The following NEO1 variants were observed in gnomAD, a reference collection of about 807,000 sequenced individuals.
NEO1 encodes the protein neogenin.
NEO1 carries 63 observed loss-of-function variants against 159.7 expected under a neutral mutation model. The observed-to-expected ratio is 0.39, with a 90% CI of 0.32 to 0.49. The LOEUF is 0.49. NEO1 is among the 20% of genes least tolerant of loss of function. NEO1 has a pLI of 0.85. For missense variants in NEO1, 1,615 were observed against 1,831.0 expected (o/e 0.88, Z 2.15); for synonymous variants, 633 against 662.0 (o/e 0.96, Z 0.67).
intron 7 of NEO1, among the ~76,000 whole-genome samples, chr15:73,215,931 G>T (rs2037852507): frequency 6.6e-6 from 1 of 151,574 alleles, no homozygotes; most frequent in South Asian, 2.1e-4. Context: ...TTTTTTGTTG[G>T]TAATTTTTTT....
rs1366932137 is a variant in NEO1 at position 73,288,301 on chromosome 15, CT to C, written c.3411-10del. ...GTTACTTTTTAAAAGCTCCTCTGAA[CT>C]TCGTGCCTAGGAAACGAGCTGCCTG... On this transcript the variant is annotated splice_polypyrimidine_tract_variant and intron_variant, in intron 23 of 28. Transcript: ENST00000261908. 2.5e-6 allele frequency: 4 copies of C among 1,607,916 alleles called. No homozygotes were observed. Among genetic ancestry groups the C allele is most frequent in the Non-Finnish European group, 3.4e-6 (4 of 1,174,808 alleles).
At chr15:73,131,260 C>CA (rs1326430148) in intron 4 of NEO1, among the ~76,000 whole-genome samples, 1 of 152,150 alleles carries the variant, frequency 6.6e-6, no homozygotes, top group African/African-American at 2.4e-5. Flanking sequence ...AATTACCTGA[C>CA]AAAGATTGTA....
intron 26 of NEO1, among the ~76,000 whole-genome samples, chr15:73,295,803 C>G (rs2042341862): frequency 6.6e-6 from 1 of 152,186 alleles, no homozygotes; most frequent in South Asian, 2.1e-4. Flanking sequence ...AGTCTCTGCT[C>G]TAAGGAGCAT....
At chr15:73,236,121 C>T (rs1269726025) in intron 7 of NEO1, among the ~76,000 whole-genome samples, 2 of 152,166 alleles carry the variant, frequency 1.3e-5, no homozygotes, top group African/African-American at 4.8e-5. Context: ...TTACCCTGGC[C>T]TGCATGTTAG....
At chr15:73,224,998 C>G (rs939800109) in intron 7 of NEO1, among the ~76,000 whole-genome samples, 5 of 152,094 alleles carry the variant, frequency 3.3e-5, no homozygotes, top group African/African-American at 1.2e-4. Flanking sequence ...ATGGGGTGTT[C>G]CCTTGATGTA....
chr15:73,217,682 C>T (rs2037978450), intron 7 of NEO1, among the ~76,000 whole-genome samples: 1 of 152,068 alleles, frequency 6.6e-6, no homozygotes, highest in South Asian at 2.1e-4. Flanking sequence ...ATTTTATTCT[C>T]TTTGAAGCAA....
At chr15:73,251,571 ACCTTAG>A (rs2040073775) in intron 11 of NEO1, among the ~76,000 whole-genome samples, 3 of 151,910 alleles carry the variant, frequency 2.0e-5, no homozygotes. Flanking sequence ...AGGCGGTTAT[ACCTTAG>A]CTAGTGAACT....
chr15:73,208,039 CT>C (rs1236246452), intron 7 of NEO1, among the ~76,000 whole-genome samples: 1 of 152,136 alleles, frequency 6.6e-6, no homozygotes, highest in Non-Finnish European at 1.5e-5. Flanking sequence ...CATTTGCATA[CT>C]AACTAAACAT....
chr15:73,209,919 C>T (rs1026680756), intron 7 of NEO1, among the ~76,000 whole-genome samples: 4 of 152,126 alleles, frequency 2.6e-5, no homozygotes, highest in Admixed American at 1.3e-4. Flanking sequence ...AGGAAAATCA[C>T]ATGAACCCAG....
intron 5 of NEO1, among the ~76,000 whole-genome samples, chr15:73,148,371 G>A (rs2033099165): frequency 6.6e-6 from 1 of 152,098 alleles, no homozygotes. Flanking sequence ...GATAGAATTA[G>A]GAACAGCAGG....
chr15:73,082,087 T>G (rs1322316494), intron 1 of NEO1, among the ~76,000 whole-genome samples: 2 of 152,254 alleles, frequency 1.3e-5, no homozygotes, highest in East Asian at 1.9e-4. Context: ...TTGGCCGGAC[T>G]GGTCTCGAGC....
At chr15:73,296,744 C>A (rs1030057195) in intron 26 of NEO1, among the ~76,000 whole-genome samples, 4 of 152,068 alleles carry the variant, frequency 2.6e-5, no homozygotes, top group African/African-American at 9.7e-5. Context: ...ATCTGATAAC[C>A]GAGACAGCTA....
intron 1 of NEO1, among the ~76,000 whole-genome samples, chr15:73,071,680 A>AT (rs749890417): frequency 7.3e-4 from 111 of 151,570 alleles, no homozygotes; most frequent in Non-Finnish European, 4.1e-4. Context: ...TGCTTGGCTA[A>AT]TTTTTTGTAT....
chr15:73,170,218 T>G (rs1473226154), intron 5 of NEO1, among the ~76,000 whole-genome samples: 1 of 152,154 alleles, frequency 6.6e-6, no homozygotes, highest in African/African-American at 2.4e-5. Flanking sequence ...AATCTTTGGT[T>G]GTTTTCTTTT....
intron 5 of NEO1, among the ~76,000 whole-genome samples, chr15:73,142,103 G>C (rs985705258): frequency 6.6e-6 from 1 of 150,692 alleles, no homozygotes; most frequent in Non-Finnish European, 1.5e-5. Context: ...TTTTTTTTTA[G>C]AAGAGCCAGC....
intron 26 of NEO1, among the ~76,000 whole-genome samples, chr15:73,294,777 T>C (rs1336273256): frequency 6.6e-6 from 1 of 152,104 alleles, no homozygotes; most frequent in Non-Finnish European, 1.5e-5. Context: ...TGACCTCAAG[T>C]GATCCGCCTG....
intron 7 of NEO1, among the ~76,000 whole-genome samples, chr15:73,206,059 A>C (rs117274134): frequency 6.6e-6 from 1 of 152,010 alleles, no homozygotes; most frequent in Non-Finnish European, 1.5e-5. Flanking sequence ...GGCATGTGCC[A>C]CTACGTCCAG....
chr15:73,202,968 A>G (rs2036989007), intron 7 of NEO1, among the ~76,000 whole-genome samples: 1 of 152,094 alleles, frequency 6.6e-6, no homozygotes, highest in Non-Finnish European at 1.5e-5. Context: ...TTCCTTTTTA[A>G]TTCTGAATAA....
At chr15:73,171,612 CTATTATTATTATTATTATTAT>C (rs10549726) in intron 5 of NEO1, among the ~76,000 whole-genome samples, 3 of 139,010 alleles carry the variant, frequency 2.2e-5, no homozygotes, top group African/African-American at 5.3e-5. Flanking sequence ...TATTAAGAAA[CTATTATTATTATTATTATTAT>C]TATTATTATT....
Sources: allele counts gnomAD v4.1 joint callset (sites outside exome capture counted in the v4.1 genomes callset), GRCh38; gene constraint gnomAD v4.1.1; transcripts MANE v1.5; gene names NCBI Gene and HGNC (gene_info 2026-07-23, HGNC 2026-07-21).